Variants in MCU observed in about 807,000 individuals in gnomAD.
MCU encodes the protein mitochondrial calcium uniporter.
In MCU, 12 loss-of-function variants were observed where a neutral mutation model predicts 45.2. The observed-to-expected ratio is 0.27, with a 90% CI of 0.17 to 0.43. The LOEUF (loss-of-function observed/expected upper bound fraction) is 0.43, where lower values mean the gene tolerates loss of function less well. Among genes scored for constraint, MCU ranks in the 20% least tolerant of loss-of-function variants. The pLI, the probability that MCU is intolerant of heterozygous loss-of-function variation, is 1.00. For missense variants in MCU, 324 were observed against 436.7 expected (o/e 0.74, Z 2.30); for synonymous variants, 160 against 165.1 (o/e 0.97, Z 0.24).
intron 1 of MCU, among the ~76,000 whole-genome samples, chr10:72,696,185 A>AAT (rs1564531189): frequency 1.7e-3 from 191 of 109,878 alleles, no homozygotes; most frequent in African/African-American, 4.1e-3. Context: ...AAAAAAAAAA[A>AAT]TTTTTTTTTT....
intron 1 of MCU, among the ~76,000 whole-genome samples, chr10:72,708,812 G>A (rs770078165): frequency 2.1e-4 from 32 of 152,202 alleles, no homozygotes; most frequent in Non-Finnish European, 4.1e-4. Context: ...TAAATAAAAT[G>A]CTCAGTAAAA....
At chr10:72,704,323 C>A (rs895476720) in intron 1 of MCU, among the ~76,000 whole-genome samples, 1 of 152,134 alleles carries the variant, frequency 6.6e-6, no homozygotes, top group African/African-American at 2.4e-5. Context: ...CACTTACTAC[C>A]AGTAGAAAGG....
At position 72,886,183 on chromosome 10, in the gene MCU, G is replaced by A. The variant is rs938265338; in HGVS notation, c.*361G>A. Reference sequence around the variant, plus strand: ...AGAGTAACACACCAGCACCCCACTCGACTCTATTTGTTTTTAATTTAACTG... The same window carrying A: ...AGAGTAACACACCAGCACCCCACTCAACTCTATTTGTTTTTAATTTAACTG... On this transcript the variant is annotated 3_prime_UTR_variant, in exon 8 of 8. Transcript: ENST00000373053. 22 of 167,966 alleles carry A rather than the reference G, an allele frequency of 1.3e-4. No individual in the cohort carries two copies. Among genetic ancestry groups the A allele is most frequent in the African/African-American group, 2.4e-4 (10 of 42,028 alleles). 10.4% of individuals were successfully genotyped at this position (167,966 alleles called of 1,614,324 possible). A position where few individuals can be genotyped will look rare whatever the true frequency, so the allele number is the denominator to read the frequency against.
At chr10:72,725,675 G>C (rs1843088289) in intron 1 of MCU, among the ~76,000 whole-genome samples, 1 of 56,906 alleles carries the variant, frequency 1.8e-5, no homozygotes, top group African/African-American at 7.6e-5. Flanking sequence ...GATCACCTAA[G>C]GTCAGTTCGA....
At chr10:72,697,343 C>T (rs979518416) in intron 1 of MCU, among the ~76,000 whole-genome samples, 1 of 151,734 alleles carries the variant, frequency 6.6e-6, no homozygotes, top group African/African-American at 2.4e-5. Flanking sequence ...TCTCGAACTC[C>T]TGGCCTCGGG....
chr10:72,877,290 A>G (rs1371796480), intron 6 of MCU, among the ~76,000 whole-genome samples: 1 of 152,202 alleles, frequency 6.6e-6, no homozygotes, highest in Admixed American at 6.5e-5. Context: ...CCGAAAGAGG[A>G]AGCACAGAAA....
At chr10:72,694,823 G>A (rs780263483) in intron 1 of MCU, among the ~76,000 whole-genome samples, 10 of 152,156 alleles carry the variant, frequency 6.6e-5, no homozygotes, top group Non-Finnish European at 1.2e-4. Flanking sequence ...TCCAAGTTTC[G>A]AGAATGAGTC....
intron 1 of MCU, among the ~76,000 whole-genome samples, chr10:72,818,860 T>A (rs1157461578): frequency 4.1e-5 from 6 of 146,628 alleles, no homozygotes; most frequent in Admixed American, 2.0e-4. Context: ...AAAAAAAAAA[T>A]ACTACTGACT....
intron 1 of MCU, among the ~76,000 whole-genome samples, chr10:72,779,326 A>G (rs1171819338): frequency 1.3e-5 from 2 of 152,200 alleles, no homozygotes; most frequent in Non-Finnish European, 2.9e-5. Context: ...TTACGACAAT[A>G]AAACTCTGAA....
chr10:72,880,183 A>G (rs1845678970), intron 6 of MCU, among the ~76,000 whole-genome samples: 1 of 152,266 alleles, frequency 6.6e-6, no homozygotes, highest in Non-Finnish European at 1.5e-5. Flanking sequence ...TCACCTTTGA[A>G]GAGGAGGCCC....
intron 1 of MCU, among the ~76,000 whole-genome samples, chr10:72,820,747 G>T (rs1345467981): frequency 6.6e-6 from 1 of 152,030 alleles, no homozygotes; most frequent in Non-Finnish European, 1.5e-5. Flanking sequence ...CCTGACCTCA[G>T]GTTATCCACC....
chr10:72,782,256 C>T (rs1390356424), intron 1 of MCU, among the ~76,000 whole-genome samples: 8 of 152,126 alleles, frequency 5.3e-5, no homozygotes, highest in African/African-American at 1.7e-4. Flanking sequence ...GTAGAGTGCC[C>T]GGTACCTTCA....
At chr10:72,867,997 A>T (rs1845484259) in intron 4 of MCU, among the ~76,000 whole-genome samples, 1 of 152,130 alleles carries the variant, frequency 6.6e-6, no homozygotes, top group South Asian at 2.1e-4. Context: ...GACTACAGAT[A>T]AATTATTGTC....
intron 1 of MCU, among the ~76,000 whole-genome samples, chr10:72,718,259 G>A (rs1340131586): frequency 1.3e-5 from 2 of 152,070 alleles, no homozygotes; most frequent in Non-Finnish European, 2.9e-5. Context: ...TCTCCTGTTA[G>A]GTGTTGGGAA....
At chr10:72,842,901 T>C (rs1482496752) in intron 2 of MCU, among the ~76,000 whole-genome samples, 1 of 151,162 alleles carries the variant, frequency 6.6e-6, no homozygotes, top group African/African-American at 2.4e-5. Flanking sequence ...AAAATTTTCA[T>C]GTATAAACTG....
At chr10:72,737,818 C>A (rs1403034906) in intron 1 of MCU, among the ~76,000 whole-genome samples, 1 of 152,140 alleles carries the variant, frequency 6.6e-6, no homozygotes, top group Admixed American at 6.6e-5. Context: ...CCATGCCCAG[C>A]CTATTTCCCC....
At chr10:72,870,871 A>G (rs1845531909) in intron 5 of MCU, among the ~76,000 whole-genome samples, 1 of 152,202 alleles carries the variant, frequency 6.6e-6, no homozygotes, top group South Asian at 2.1e-4. Flanking sequence ...AGGTTGAAAC[A>G]TAAAATACAA....
intron 1 of MCU, among the ~76,000 whole-genome samples, chr10:72,777,867 G>A (rs1487785948): frequency 6.6e-6 from 1 of 152,114 alleles, no homozygotes; most frequent in Non-Finnish European, 1.5e-5. Flanking sequence ...TATACAGTGG[G>A]CAAAAGATTC....
At chr10:72,844,913 A>G (rs1845098149) in intron 2 of MCU, among the ~76,000 whole-genome samples, 1 of 152,186 alleles carries the variant, frequency 6.6e-6, no homozygotes, top group African/African-American at 2.4e-5. Context: ...TTATAAACTC[A>G]ATGCAATGCT....
Sources: gnomAD v4.1 joint callset for allele counts (sites outside exome capture counted in the v4.1 genomes callset) on GRCh38, gnomAD v4.1.1 for gene constraint, MANE v1.5 for transcripts, NCBI Gene and HGNC (gene_info 2026-07-23, HGNC 2026-07-21) for gene names.